Variants in CLCA4 observed in about 807,000 individuals in gnomAD.
CLCA4 encodes the protein chloride channel accessory 4, also known as calcium-activated chloride channel regulator 4.
Under a neutral mutation model 78.9 loss-of-function variants are expected in CLCA4, and 69 were observed. The ratio of observed to expected loss-of-function variants is 0.87; its 90% confidence interval spans 0.72 to 1.07. The LOEUF is 1.07. CLCA4 is among the 50% of genes least tolerant of loss of function. CLCA4 has a pLI of 0.00. For synonymous variants in CLCA4, 362 were observed against 375.8 expected, an observed-to-expected ratio of 0.96 and a Z score of 0.42; for missense variants, 1,133 against 1,095.8, an observed-to-expected ratio of 1.03 and a Z score of -0.48.
chr1:86,575,617 A>G lies in CLCA4; in HGVS notation c.1951+18A>G. The G allele has an allele frequency of 6.2e-7, 1 of 1,606,232 alleles. No homozygotes were observed. The stretch of plus-strand genomic sequence containing the variant: ...TGGTGCAGGTAATTCACAGGTTTTT[A>G]TGAATAAGCCAATATTTTCCTAATT... On this transcript the variant is annotated intron_variant, in intron 11 of 13. Coordinates refer to ENST00000370563, the MANE Select transcript of CLCA4 (RefSeq NM_012128.4).
intron 3 of CLCA4, among the ~76,000 whole-genome samples, chr1:86,562,975 A>G (rs1650070458): frequency 6.6e-6 from 1 of 151,794 alleles, no homozygotes; most frequent in Non-Finnish European, 1.5e-5. Flanking sequence ...AGAAACACAC[A>G]TTGTAGCAGA....
chr1:86,560,381 A>T, intron 3 of CLCA4, 23 bp downstream of exon 3: 2 of 1,612,356 alleles, frequency 1.2e-6, no homozygotes, highest in Non-Finnish European at 1.7e-6. Flanking sequence ...GTTAAAAAAT[A>T]ATTTTGCAGT....
At chr1:86,554,051 T>C (rs1409769448) in intron 1 of CLCA4, among the ~76,000 whole-genome samples, 2 of 152,148 alleles carry the variant, frequency 1.3e-5, no homozygotes, top group Non-Finnish European at 2.9e-5. Flanking sequence ...GGTAAACTCA[T>C]GCCATGGGGG....
rs554947994 is a variant in CLCA4 at position 86,572,740 on chromosome 1, G to A, written c.1467+20G>A. 8.1e-6 allele frequency: 11 copies of A among 1,355,406 alleles called. No individual in the cohort carries two copies. The African/African-American group carries it at 1.3e-4, about 16-fold the overall frequency. The allele number at this position is 1,355,406 out of a possible 1,614,324, so 84.0% of individuals were successfully genotyped here. A position where few individuals can be genotyped will look rare whatever the true frequency, so the allele number is the denominator to read the frequency against. On this transcript the variant is annotated intron_variant, in intron 9 of 13. Coordinates refer to ENST00000370563, the MANE Select transcript of CLCA4 (RefSeq NM_012128.4). ...CTTCAGGTCAGAGTTCTCATTCCTT[G>A]GGTTTTCATGTTCACTTTTGCCACA...
rs1650230261 is a variant in CLCA4 at position 86,567,429 on chromosome 1, G to A, written c.960G>A (p.Lys320=). The change falls in exon 7 of 14, where the codon AAG becomes AAA. Residue 320 remains lysine (K), a synonymous_variant. Transcript: ENST00000370563. ...VLDKSGSMGG[K]DRLNRMNQAA... is the part of the protein sequence containing the mutation. ...TTCTTGTCTTTTTAATCTAGGGTAA[G>A]GACCGCCTAAATCGAATGAATCAAG... 1.2e-6 allele frequency: 2 copies of A among 1,609,942 alleles called. No homozygotes were observed.
Position 86,567,530 on chromosome 1 carries a change from C to T in CLCA4, c.1061C>T (p.Thr354Ile), listed in dbSNP as rs1650237857. The T allele has an allele frequency of 6.2e-7, 1 of 1,612,984 alleles. No individual in the cohort carries two copies. Among genetic ancestry groups the T allele is most frequent in the Admixed American group, 1.7e-5 (1 of 59,902 alleles). Residue 354 changes from threonine (T) to isoleucine (I), a missense_variant, in exon 7 of 14, where the codon ACT (threonine) becomes ATT (isoleucine). Physicochemically the swap from Thr to Ile is moderately conservative, Grantham distance 89. Coordinates refer to ENST00000370563, the MANE Select transcript of CLCA4 (RefSeq NM_012128.4). ...VGMVHFDSTATIVNKLIQIKS... is the reference protein window; with the variant it reads ...VGMVHFDSTAIIVNKLIQIKS... ...ATGGTTCACTTTGATAGTACTGCCA[C>T]TATTGTAAATAAGCTAATCCAAATA...
At chr1:86,551,250 T>G (rs895850796) in intron 1 of CLCA4, among the ~76,000 whole-genome samples, 1 of 152,238 alleles carries the variant, frequency 6.6e-6, no homozygotes, top group African/African-American at 2.4e-5. Flanking sequence ...TTTCAATTCT[T>G]GCTTTTAAAA....
chr1:86,575,866 A>C (rs1358210314), intron 11 of CLCA4, among the ~76,000 whole-genome samples: 1 of 151,984 alleles, frequency 6.6e-6, no homozygotes, highest in East Asian at 1.9e-4. Flanking sequence ...CAAGGTGGGC[A>C]GATCACTTGA....
intron 7 of CLCA4, among the ~76,000 whole-genome samples, chr1:86,569,102 T>C (rs1358960357): frequency 6.6e-6 from 1 of 152,074 alleles, no homozygotes; most frequent in South Asian, 2.1e-4. Context: ...GGTACATGTA[T>C]ATAAGTGGGG....
chr1:86,548,725 T>C (rs1649570696), intron 1 of CLCA4, among the ~76,000 whole-genome samples: 1 of 151,216 alleles, frequency 6.6e-6, no homozygotes, highest in African/African-American at 2.4e-5. Context: ...ATGTCTTCTG[T>C]TTGAATTATG....
In CLCA4 at chr1:86,560,015, T is replaced by C; in HGVS notation, c.243T>C (p.Pro81=). The part of the protein sequence containing the change: ...FFFKNVSILI[P]ENWKENPQYK... The stretch of plus-strand genomic sequence containing the variant: ...TCAAAAATGTATCTATATTAATTCC[T>C]GAGAATTGGAAGGAAAATCCTCAGT... Residue 81 remains proline, a synonymous_variant, in exon 2 of 14, where the codon CCT becomes CCC. Coordinates refer to ENST00000370563, the MANE Select transcript of CLCA4 (RefSeq NM_012128.4). The C allele has an allele frequency of 6.2e-7, 1 of 1,609,788 alleles. No individual in the cohort carries two copies. Among genetic ancestry groups the C allele is most frequent in the Non-Finnish European group, 8.5e-7 (1 of 1,178,122 alleles).
rs1281516498 is a variant in CLCA4 at position 86,567,590 on chromosome 1, G to T, written c.1121G>T (p.Gly374Val). The change falls in exon 7 of 14, where the codon GGA (glycine) becomes GTA (valine). Residue 374 changes from glycine to valine, a missense_variant. Gly to Val is a moderately radical substitution (Grantham distance 109). Coordinates refer to ENST00000370563, the MANE Select transcript of CLCA4 (RefSeq NM_012128.4). ...SSDERNTLMA[G>V]LPTYPLGGTS... ...GATGAAAGAAACACACTCATGGCAG[G>T]ATTACCTACATATCCTCTGGGAGGA... 1.2e-6 allele frequency: 2 copies of T among 1,613,136 alleles called. No individual in the cohort carries two copies. The highest frequency in any genetic ancestry group is 1.7e-6 in the Non-Finnish European group (2 of 1,179,446).
intron 9 of CLCA4, 52 bp from the exon 10 acceptor site, chr1:86,574,488 G>T: frequency 1.4e-6 from 2 of 1,435,992 alleles, no homozygotes; most frequent in Non-Finnish European, 9.7e-7. Context: ...CTTGAAAAAA[G>T]AATAAAATTA....
At chr1:86,550,863 G>T (rs1424457692) in intron 1 of CLCA4, among the ~76,000 whole-genome samples, 2 of 142,422 alleles carry the variant, frequency 1.4e-5, no homozygotes, top group African/African-American at 5.2e-5. Flanking sequence ...ACAGAATCTC[G>T]ATCTGTCCCC....
At position 86,571,781 on chromosome 1, in the gene CLCA4, A is replaced by C. The variant is rs11810988; in HGVS notation, c.1360+527A>C. On this transcript the variant is annotated intron_variant, in intron 8 of 13. Coordinates refer to ENST00000370563, the MANE Select transcript of CLCA4 (RefSeq NM_012128.4). ...AGCTCAGACTGAAAAGATCTAAATAACAATGAAGTTTTTATATAAACATTA... is the reference window on the plus strand; with the variant it reads ...AGCTCAGACTGAAAAGATCTAAATACCAATGAAGTTTTTATATAAACATTA... 3.9e-3 allele frequency among the ~76,000 whole-genome samples: 587 copies of C among 152,114 alleles called. 4 individuals carry two copies. The highest frequency in any genetic ancestry group is 0.014 in the African/African-American group (566 of 41,540).
At chr1:86,547,508 C>G (rs936251838) in intron 1 of CLCA4, among the ~76,000 whole-genome samples, 2 of 152,148 alleles carry the variant, frequency 1.3e-5, no homozygotes, top group Non-Finnish European at 2.9e-5. Flanking sequence ...AAATACACAA[C>G]AGATTATCAG....
chr1:86,552,948 T>G (rs1649710552), intron 1 of CLCA4: 2 of 639,878 alleles, frequency 3.1e-6, no homozygotes, highest in Admixed American at 2.6e-5. Context: ...GCGTCTGTGC[T>G]GAGGTGACTG....
At chr1:86,556,611 A>G (rs1352308232) in intron 1 of CLCA4, among the ~76,000 whole-genome samples, 1 of 152,120 alleles carries the variant, frequency 6.6e-6, no homozygotes, top group African/African-American at 2.4e-5. Context: ...GAATTTTTGC[A>G]TCAATGTTCA....
chr1:86,551,899 C>CAA (rs3835433), intron 1 of CLCA4, among the ~76,000 whole-genome samples: 4,956 of 151,902 alleles, frequency 0.033, 203 homozygotes, highest in East Asian at 0.21. Flanking sequence ...TTTCTAATGA[C>CAA]AAAAAAAATG....
Sources: allele counts gnomAD v4.1 joint callset (sites outside exome capture counted in the v4.1 genomes callset), GRCh38; gene constraint gnomAD v4.1.1; transcripts MANE v1.5; gene names NCBI Gene and HGNC (gene_info 2026-07-23, HGNC 2026-07-21).